PHYHIPL: variants seen among roughly 807,000 people sequenced by gnomAD.
PHYHIPL encodes the protein phytanoyl-CoA hydroxylase-interacting protein-like.
A neutral mutation model predicts 33.4 loss-of-function variants in PHYHIPL; 9 were observed. The observed-to-expected ratio is 0.27, with a 90% CI of 0.16 to 0.47. PHYHIPL has a LOEUF of 0.47. Among genes scored for constraint, PHYHIPL ranks in the 20% least tolerant of loss-of-function variants. PHYHIPL has a pLI of 0.99. For missense variants in PHYHIPL, 365 were observed against 460.7 expected (o/e 0.79, Z 1.90); for synonymous variants, 153 against 154.1 (o/e 0.99, Z 0.05).
chr10:59,200,459 CA>C (rs1839065966), intron 1 of PHYHIPL, among the ~76,000 whole-genome samples: 2 of 152,082 alleles, frequency 1.3e-5, no homozygotes, highest in Non-Finnish European at 2.9e-5. Context: ...TTTGGTTTGC[CA>C]GGATTTTATT....
chr10:59,221,982 A>G (rs931565744), intron 1 of PHYHIPL, among the ~76,000 whole-genome samples: 4 of 152,000 alleles, frequency 2.6e-5, no homozygotes, highest in Non-Finnish European at 5.9e-5. Context: ...CTAACTCCTA[A>G]CCCTTGGAGT....
At chr10:59,208,939 A>G (rs1839365347) in intron 1 of PHYHIPL, among the ~76,000 whole-genome samples, 1 of 152,216 alleles carries the variant, frequency 6.6e-6, no homozygotes, top group South Asian at 2.1e-4. Flanking sequence ...AAAAGACCAA[A>G]CCTACATTTG....
At chr10:59,238,963 A>G (rs1840310667) in intron 4 of PHYHIPL, among the ~76,000 whole-genome samples, 1 of 151,954 alleles carries the variant, frequency 6.6e-6, no homozygotes, top group Non-Finnish European at 1.5e-5. Flanking sequence ...AACCTGTGGT[A>G]TTTAGATCGA....
intron 1 of PHYHIPL, among the ~76,000 whole-genome samples, chr10:59,180,314 G>GTATATATATA (rs35898292): frequency 1.5e-4 from 13 of 86,150 alleles, no homozygotes; most frequent in African/African-American, 2.1e-4. Flanking sequence ...TATAGAAAAA[G>GTATATATATA]TATATATATA....
chr10:59,191,657 C>T (rs908744727), intron 1 of PHYHIPL, among the ~76,000 whole-genome samples: 11 of 152,020 alleles, frequency 7.2e-5, no homozygotes, highest in South Asian at 6.2e-4. Flanking sequence ...CTGAGAGCTT[C>T]CAGCATATTT....
chr10:59,187,450 G>A (rs1838643096), intron 1 of PHYHIPL, among the ~76,000 whole-genome samples: 1 of 152,144 alleles, frequency 6.6e-6, no homozygotes, highest in African/African-American at 2.4e-5. Context: ...TCTCTGCCAG[G>A]CTTTGGTATC....
chr10:59,236,009 C>G (rs548851217), intron 2 of PHYHIPL, among the ~76,000 whole-genome samples: 51 of 151,706 alleles, frequency 3.4e-4, no homozygotes, highest in African/African-American at 1.2e-3. Context: ...TCTTTTATGT[C>G]TCTGTTTTTT....
chr10:59,186,574 G>A (rs1269803660), intron 1 of PHYHIPL, among the ~76,000 whole-genome samples: 1 of 152,170 alleles, frequency 6.6e-6, no homozygotes, highest in African/African-American at 2.4e-5. Flanking sequence ...CCATTTTCAC[G>A]ATATTGATTC....
intron 1 of PHYHIPL, among the ~76,000 whole-genome samples, chr10:59,196,996 T>TA (rs1296998368): frequency 6.6e-6 from 1 of 152,226 alleles, no homozygotes. Flanking sequence ...AGATAATTTT[T>TA]AGTTATGTAT....
intron 1 of PHYHIPL, among the ~76,000 whole-genome samples, chr10:59,180,314 G>GTATGTATA (rs1491252242): frequency 1.2e-5 from 1 of 86,170 alleles, no homozygotes; most frequent in African/African-American, 5.2e-5. Flanking sequence ...TATAGAAAAA[G>GTATGTATA]TATATATATA....
chr10:59,237,021 A>C (rs1015275072), intron 3 of PHYHIPL, among the ~76,000 whole-genome samples: 47 of 121,656 alleles, frequency 3.9e-4, no homozygotes, highest in Admixed American at 8.4e-4. Flanking sequence ...TTCCTTTTTC[A>C]TTTTCACCAG....
chr10:59,178,574 C>T (rs1838318861), intron 1 of PHYHIPL, among the ~76,000 whole-genome samples: 1 of 152,090 alleles, frequency 6.6e-6, no homozygotes, highest in South Asian at 2.1e-4. Flanking sequence ...AAGTAGACTT[C>T]ATTTTTATTT....
intron 1 of PHYHIPL, among the ~76,000 whole-genome samples, chr10:59,194,078 A>AT (rs1838846783): frequency 6.3e-5 from 8 of 126,556 alleles, no homozygotes; most frequent in African/African-American, 2.5e-4. Context: ...CTTTACCTAT[A>AT]TGTTTTTTTT....
intron 1 of PHYHIPL, among the ~76,000 whole-genome samples, chr10:59,226,544 A>G (rs997975200): frequency 4.6e-5 from 7 of 152,060 alleles, no homozygotes; most frequent in Admixed American, 4.6e-4. Flanking sequence ...GAGGAGTTAG[A>G]GTGGAGAAAA....
chr10:59,204,405 T>C (rs570290227), intron 1 of PHYHIPL, among the ~76,000 whole-genome samples: 3 of 152,358 alleles, frequency 2.0e-5, no homozygotes, highest in East Asian at 3.9e-4. Context: ...TATCATGTAA[T>C]GAGTCTGTGT....
chr10:59,175,245 A>C (rs986894815), upstream of PHYHIPL, among the ~76,000 whole-genome samples: 1 of 152,254 alleles, frequency 6.6e-6, no homozygotes, highest in Non-Finnish European at 1.5e-5. Flanking sequence ...TTCATTAATA[A>C]GTTCATAATG....
rs748874158 is a variant in PHYHIPL, at chr10:59,234,413, G to A, written c.216G>A (p.Met72Ile). ...ACTCATTCAAGATTTCATGGGAAAT[G>A]GATTCAAAATCAAAGGATCGCATTA... ...TCDSFKISWE[M>I]DSKSKDRITH... Residue 72 changes from methionine (M) to isoleucine (I), a missense_variant, in exon 2 of 5, where the codon ATG becomes ATA. Around this residue, in one of 4 missense-constraint regions of PHYHIPL, gnomAD observed 63 missense variants for 119.3 expected, o/e 0.53. Transcript: ENST00000373880. 1 of 1,603,388 alleles carries A rather than the reference G, an allele frequency of 6.2e-7. No homozygotes were observed. Among genetic ancestry groups the A allele is most frequent in the East Asian group, 2.3e-5 (1 of 44,182 alleles).
chr10:59,201,796 C>T (rs936928980), intron 1 of PHYHIPL, among the ~76,000 whole-genome samples: 1 of 152,042 alleles, frequency 6.6e-6, no homozygotes, highest in Non-Finnish European at 1.5e-5. Context: ...TAAAATATTA[C>T]AGGTGAATCT....
intron 1 of PHYHIPL, among the ~76,000 whole-genome samples, chr10:59,210,606 A>T (rs1037471137): frequency 1.3e-5 from 2 of 152,232 alleles, no homozygotes; most frequent in African/African-American, 4.8e-5. Flanking sequence ...AAATCATTCT[A>T]CTATAAATAC....
Sources: gnomAD v4.1 joint callset for allele counts (sites outside exome capture counted in the v4.1 genomes callset) on GRCh38, gnomAD v4.1.1 for gene constraint, gnomAD v4.1.1 regional missense constraint, MANE v1.5 for transcripts, NCBI Gene and HGNC (gene_info 2026-07-23, HGNC 2026-07-21) for gene names.